TULP4: variants seen among roughly 807,000 people sequenced by gnomAD.
The protein encoded by TULP4 is tubby-related protein 4.
Under a neutral mutation model 129.0 loss-of-function variants are expected in TULP4, and 16 were observed. That is an observed-to-expected ratio of 0.12 (90% CI 0.08 to 0.19). TULP4 has a LOEUF of 0.19. Ranked by LOEUF, TULP4 falls within the 10% of genes least tolerant of loss-of-function variation. TULP4 has a pLI of 1.00. For missense variants in TULP4, 1,842 were observed against 2,059.1 expected, an observed-to-expected ratio of 0.89 and a Z score of 2.04; for synonymous variants, 998 against 854.0, an observed-to-expected ratio of 1.17 and a Z score of -2.94.
intron 1 of TULP4, among the ~76,000 whole-genome samples, chr6:158,295,360 T>TA: frequency 6.6e-6 from 1 of 151,998 alleles, no homozygotes; most frequent in Middle Eastern, 3.4e-3. Context: ...TACAATAATT[T>TA]AAAAAAAACT....
chr6:158,368,966 T>A (rs566301988), intron 1 of TULP4, among the ~76,000 whole-genome samples: 41 of 152,216 alleles, frequency 2.7e-4, no homozygotes, highest in Non-Finnish European at 4.6e-4. Flanking sequence ...GTTTAACCTG[T>A]CTTGAAGGTG....
chr6:158,237,196 C>T (rs920294045), intron 1 of TULP4: 1 of 689,268 alleles, frequency 1.5e-6, no homozygotes, highest in Non-Finnish European at 2.5e-6. Context: ...AGATGTTTTC[C>T]ATTTGAAACA....
intron 3 of TULP4, among the ~76,000 whole-genome samples, chr6:158,432,255 A>G (rs558018903): frequency 6.6e-6 from 1 of 151,868 alleles, no homozygotes; most frequent in Non-Finnish European, 1.5e-5. Flanking sequence ...TGTCTCTACC[A>G]CTCATTCACA....
At chr6:158,443,013 C>G (rs1778936052) in intron 3 of TULP4, among the ~76,000 whole-genome samples, 1 of 151,674 alleles carries the variant, frequency 6.6e-6, no homozygotes, top group Non-Finnish European at 1.5e-5. Context: ...GAGATGGAGT[C>G]TCACTCTGTC....
At position 158,502,193 on chromosome 6, in the gene TULP4, G is replaced by GCCC; in HGVS notation, c.2533_2535dup (p.Pro845dup). 6.9e-7 allele frequency: 1 copy of GCCC among 1,455,824 alleles called. No individual in the cohort carries two copies. Among genetic ancestry groups the GCCC allele is most frequent in the Admixed American group, 2.3e-5 (1 of 42,676 alleles). 90.2% of individuals were successfully genotyped at this position (1,455,824 alleles called of 1,614,324 possible). On this transcript the variant is annotated inframe_insertion, in exon 13 of 14. Coordinates refer to ENST00000367097, the MANE Select transcript of TULP4 (RefSeq NM_020245.5). Reference sequence around the variant, plus strand: ...CCCGTACCCAGGAACCATCCCCGCTGCCCCCACCACAGCAGCACCCCCGCC... The same window carrying GCCC: ...CCCGTACCCAGGAACCATCCCCGCTGCCCCCCCCACCACAGCAGCACCCCCGCC...
chr6:158,399,583 A>G (rs1240115121), intron 1 of TULP4, among the ~76,000 whole-genome samples: 2 of 152,250 alleles, frequency 1.3e-5, no homozygotes, highest in East Asian at 1.9e-4. Flanking sequence ...GCCTCAGACC[A>G]TACTGCCTGA....
chr6:158,390,338 T>C (rs1431143482), intron 1 of TULP4, among the ~76,000 whole-genome samples: 2 of 151,904 alleles, frequency 1.3e-5, no homozygotes, highest in Non-Finnish European at 2.9e-5. Flanking sequence ...TCTACCTAAT[T>C]GTATGCGAAC....
At chr6:158,310,768 G>A (rs905077367), upstream of TULP4, among the ~76,000 whole-genome samples, 14 of 152,128 alleles carry the variant, frequency 9.2e-5, no homozygotes, top group Non-Finnish European at 2.1e-4. Context: ...AGTTCATTTT[G>A]CAACTTAAAC....
At chr6:158,340,905 G>T (rs760007270) in intron 1 of TULP4, among the ~76,000 whole-genome samples, 2 of 152,198 alleles carry the variant, frequency 1.3e-5, no homozygotes, top group Non-Finnish European at 2.9e-5. Context: ...AATGAAGCAA[G>T]ACTGAGGAGT....
intron 1 of TULP4, among the ~76,000 whole-genome samples, chr6:158,318,899 ATTTTTTTTTTT>A (rs56898948): frequency 2.2e-4 from 30 of 136,920 alleles, no homozygotes; most frequent in Non-Finnish European, 2.6e-4. Context: ...CTAGTTACAA[ATTTTTTTTTTT>A]TTTTTTTTTT....
At chr6:158,388,338 T>C (rs1025609496) in intron 1 of TULP4, among the ~76,000 whole-genome samples, 5 of 136,964 alleles carry the variant, frequency 3.7e-5, no homozygotes, top group Non-Finnish European at 6.3e-5. Flanking sequence ...TTTTTTTTTT[T>C]TTTTTTTTTG....
At chr6:158,498,632 T>C in intron 11 of TULP4, 37 bp from the exon 12 acceptor site, 1 of 1,613,686 alleles carries the variant, frequency 6.2e-7, no homozygotes, top group Non-Finnish European at 8.5e-7. Context: ...TGCTCTGGTG[T>C]GTCTCTGTTA....
At chr6:158,325,044 G>T (rs1562520596) in intron 1 of TULP4, among the ~76,000 whole-genome samples, 2 of 152,192 alleles carry the variant, frequency 1.3e-5, no homozygotes, top group Admixed American at 6.5e-5. Flanking sequence ...ATAAATGTTT[G>T]TGGCATGAAA....
intron 1 of TULP4, among the ~76,000 whole-genome samples, chr6:158,271,167 A>C (rs1386186553): frequency 6.6e-6 from 1 of 151,974 alleles, no homozygotes; most frequent in East Asian, 1.9e-4. Context: ...AAAAAAAAAA[A>C]AAGATGCTGT....
In TULP4 at chr6:158,502,657, G is replaced by A. The variant is rs1780485767; in HGVS notation, c.2994G>A (p.Met998Ile). The A allele has an allele frequency of 6.4e-7, 1 of 1,567,778 alleles. No homozygotes were observed. The highest frequency in any genetic ancestry group is 1.3e-5 in the African/African-American group (1 of 74,290). ...RRNNREATLK[M>I]AQLADSPRAP... Reference sequence around the variant, plus strand: ...ACAACCGTGAGGCTACGCTCAAGATGGCCCAGCTGGCCGACAGCCCGCGGG... The same window carrying A: ...ACAACCGTGAGGCTACGCTCAAGATAGCCCAGCTGGCCGACAGCCCGCGGG... The change falls in exon 13 of 14, where the codon ATG becomes ATA. Residue 998 changes from methionine to isoleucine, a missense_variant. Coordinates refer to ENST00000367097, the MANE Select transcript of TULP4 (RefSeq NM_020245.5).
intron 1 of TULP4, among the ~76,000 whole-genome samples, chr6:158,270,659 C>A (rs1470128108): frequency 6.6e-6 from 1 of 152,232 alleles, no homozygotes; most frequent in Admixed American, 6.5e-5. Flanking sequence ...TAACACACAT[C>A]ATCTGTTGAT....
At chr6:158,236,803 T>TC in intron 1 of TULP4, among the ~76,000 whole-genome samples, 1 of 41,602 alleles carries the variant, frequency 2.4e-5, no homozygotes, top group Non-Finnish European at 4.5e-5. Context: ...TTCTTTTTTT[T>TC]TTTTTTTTTT....
intron 1 of TULP4, among the ~76,000 whole-genome samples, chr6:158,288,036 A>G (rs1358941192): frequency 3.9e-5 from 6 of 152,186 alleles, no homozygotes; most frequent in Non-Finnish European, 7.3e-5. Flanking sequence ...TGAAATTATC[A>G]ATTGGTTTGA....
intron 1 of TULP4, among the ~76,000 whole-genome samples, chr6:158,239,613 G>T (rs1777812121): frequency 1.6e-5 from 1 of 62,882 alleles, no homozygotes. Context: ...CTCCCTCCCG[G>T]ACGGGGCGGC....
Sources: allele counts gnomAD v4.1 joint callset (sites outside exome capture counted in the v4.1 genomes callset), GRCh38; gene constraint gnomAD v4.1.1; transcripts MANE v1.5; gene names NCBI Gene and HGNC (gene_info 2026-07-23, HGNC 2026-07-21).